Variants in SULF1 observed in about 807,000 individuals in gnomAD.
SULF1 encodes the protein extracellular sulfatase Sulf-1.
SULF1 carries 46 observed loss-of-function variants against 110.5 expected under a neutral mutation model. That is an observed-to-expected ratio of 0.42 (90% confidence interval 0.33 to 0.53). The LOEUF (loss-of-function observed/expected upper bound fraction) is 0.53. Ranked by LOEUF, SULF1 falls within the 20% of genes least tolerant of loss-of-function variation. The probability of loss-of-function intolerance (pLI) is 0.12; values close to 1 mark genes in which losing one functional copy is unlikely to be tolerated. For missense variants in SULF1, 941 were observed against 1,094.2 expected, an observed-to-expected ratio of 0.86 and a Z score of 1.98; for synonymous variants, 371 against 387.1, an observed-to-expected ratio of 0.96 and a Z score of 0.49.
Position 69,563,619 on chromosome 8 carries a change from C to T in SULF1, c.-61+8C>T. ...CAGGATACCTAATTCAAGGTATTAG[C>T]TCTCGTCAGAAAGCTTTTACATTTG... is the stretch of plus-strand genomic sequence containing the variant. On this transcript the variant is annotated splice_region_variant and intron_variant, in intron 4 of 22. Coordinates refer to ENST00000402687, the MANE Select transcript of SULF1 (RefSeq NM_001128205.2). 1 of 202,470 alleles carries T rather than the reference C, an allele frequency of 4.9e-6. No individual in the cohort carries two copies. Among genetic ancestry groups the T allele is most frequent in the South Asian group, 1.0e-4 (1 of 9,660 alleles). 12.5% of individuals were successfully genotyped at this position (202,470 alleles called of 1,614,324 possible). A position where few individuals can be genotyped will look rare whatever the true frequency, so the allele number is the denominator to read the frequency against.
At chr8:69,491,464 T>G (rs1373097486), upstream of SULF1, among the ~76,000 whole-genome samples, 1 of 152,220 alleles carries the variant, frequency 6.6e-6, no homozygotes, top group Non-Finnish European at 1.5e-5. Context: ...GAAGTTGCAC[T>G]TACAGGTCCT....
chr8:69,510,742 A>G (rs2150588800), intron 3 of SULF1, among the ~76,000 whole-genome samples: 1 of 151,182 alleles, frequency 6.6e-6, no homozygotes, highest in East Asian at 2.0e-4. Context: ...TCAGCCTCCC[A>G]GGTAGCTGGG....
intron 15 of SULF1, among the ~76,000 whole-genome samples, 181 bp from the exon 16 acceptor site, chr8:69,627,009 GGACTGCCAGCACGCTGTCAC>G (rs1022364609): frequency 2.4e-4 from 36 of 152,358 alleles, no homozygotes; most frequent in East Asian, 1.5e-3. Flanking sequence ...AGGGCTGTGA[GGACTGCCAGCACGCTGTCAC>G]GACTGCCAGC....
rs756064818 is a variant in SULF1, at chr8:69,559,664, TTTTG to T, written c.-133-3859_-133-3856del. On this transcript the variant is annotated intron_variant, in intron 3 of 22. Coordinates refer to ENST00000402687, the MANE Select transcript of SULF1 (RefSeq NM_001128205.2). The stretch of plus-strand genomic sequence containing the variant: ...TTTTAAGTAAAAGTAGTGTTTCATT[TTTTG>T]TTTGTTTGTTTGTTTAAAGCCACTT... Among the ~76,000 whole-genome samples the T allele has an allele frequency of 2.2e-4, 33 of 152,292 alleles. No homozygotes were observed. In the East Asian group the frequency reaches 5.2e-3, roughly 24 times the overall value.
chr8:69,601,928 A>C, intron 10 of SULF1, 99 bp downstream of exon 10: 1 of 1,299,460 alleles, frequency 7.7e-7, no homozygotes, highest in Non-Finnish European at 1.1e-6. Flanking sequence ...TTTCATCCAA[A>C]ACAAAAAAGG....
intron 3 of SULF1, among the ~76,000 whole-genome samples, chr8:69,535,416 G>A (rs1405416832): frequency 1.3e-5 from 2 of 152,154 alleles, no homozygotes; most frequent in African/African-American, 2.4e-5. Flanking sequence ...GAAGAGAGGT[G>A]CACTCCAGAC....
At position 69,658,753 on chromosome 8, in the gene SULF1, G is replaced by T. The variant is rs536403187; in HGVS notation, c.*218G>T. ...AACTGCTCAAAGTGACGGGTTCTTG[G>T]TTGTCTCTGCTGAGCACGCTGTGTC... On this transcript the variant is annotated 3_prime_UTR_variant, in exon 23 of 23. Coordinates refer to ENST00000402687, the MANE Select transcript of SULF1 (RefSeq NM_001128205.2). The T allele has an allele frequency of 4.2e-5, 28 of 663,008 alleles. No individual in the cohort carries two copies. Among genetic ancestry groups the T allele is most frequent in the Middle Eastern group, 2.4e-4 (1 of 4,144 alleles). 41.1% of individuals were successfully genotyped at this position (663,008 alleles called of 1,614,324 possible). A position where few individuals can be genotyped will look rare whatever the true frequency, so the allele number is the denominator to read the frequency against.
intron 6 of SULF1, among the ~76,000 whole-genome samples, chr8:69,585,942 G>A (rs1806427351): frequency 6.6e-6 from 1 of 152,186 alleles, no homozygotes; most frequent in Non-Finnish European, 1.5e-5. Context: ...TAGTAAGTTA[G>A]AAAACTTATC....
intron 22 of SULF1, among the ~76,000 whole-genome samples, chr8:69,648,224 G>A (rs539430997): frequency 2.0e-5 from 3 of 151,908 alleles, no homozygotes; most frequent in South Asian, 2.1e-4. Flanking sequence ...TAGTCTGTTC[G>A]GGCTCTTCCC....
chr8:69,654,442 C>T (rs1206954899), intron 22 of SULF1, among the ~76,000 whole-genome samples: 6 of 152,212 alleles, frequency 3.9e-5, no homozygotes, highest in African/African-American at 9.6e-5. Flanking sequence ...CTGTTTTTAA[C>T]CACCAGGCAG....
intron 13 of SULF1, among the ~76,000 whole-genome samples, chr8:69,608,394 C>T (rs773785347): frequency 1.3e-5 from 2 of 152,130 alleles, no homozygotes; most frequent in Non-Finnish European, 2.9e-5. Context: ...TTAAAATGGG[C>T]TGAGGCCGGG....
chr8:69,652,175 A>G (rs1812390522), intron 22 of SULF1, among the ~76,000 whole-genome samples: 6 of 150,784 alleles, frequency 4.0e-5, no homozygotes, highest in Admixed American at 4.0e-4. Context: ...CTTTCCCTTT[A>G]TAAGGACTCT....
At chr8:69,529,851 C>T (rs1329642686) in intron 3 of SULF1, among the ~76,000 whole-genome samples, 1 of 152,150 alleles carries the variant, frequency 6.6e-6, no homozygotes, top group African/African-American at 2.4e-5. Context: ...GATCTAGCCT[C>T]AGAAATCACA....
intron 1 of SULF1, among the ~76,000 whole-genome samples, chr8:69,480,917 T>G (rs1371231471): frequency 6.7e-6 from 1 of 149,940 alleles, no homozygotes; most frequent in Non-Finnish European, 1.5e-5. Flanking sequence ...GGGATAGCAT[T>G]AGGAGATATA....
chr8:69,513,257 T>C (rs1005235878), intron 3 of SULF1, among the ~76,000 whole-genome samples: 1 of 152,210 alleles, frequency 6.6e-6, no homozygotes, highest in Non-Finnish European at 1.5e-5. Flanking sequence ...ATTTTTAAGA[T>C]CACCTACATA....
chr8:69,496,473 A>G (rs1168720152), intron 2 of SULF1, among the ~76,000 whole-genome samples: 2 of 152,210 alleles, frequency 1.3e-5, no homozygotes, highest in East Asian at 1.9e-4. Flanking sequence ...CTTTTGCCAT[A>G]AAAAAAGAAG....
At position 69,493,022 on chromosome 8, in the gene SULF1, C is replaced by T; in HGVS notation, c.-494C>T. ...GCAGATGAGGAACATGACTCTCCCCCTTCGGAGGAGGAAGGAAGTCCCGCT... is the reference window on the plus strand; with the variant it reads ...GCAGATGAGGAACATGACTCTCCCCTTTCGGAGGAGGAAGGAAGTCCCGCT... On this transcript the variant is annotated 5_prime_UTR_variant, in exon 1 of 23. Transcript: ENST00000402687. 6.6e-6 allele frequency: 1 copy of T among 152,652 alleles called. No homozygotes were observed. The highest frequency in any genetic ancestry group is 1.9e-4 in the East Asian group (1 of 5,162). The allele number at this position is 152,652 out of a possible 1,614,324, so 9.5% of individuals were successfully genotyped here.
chr8:69,535,551 G>A (rs1439826352), intron 3 of SULF1, among the ~76,000 whole-genome samples: 2 of 152,082 alleles, frequency 1.3e-5, no homozygotes, highest in Non-Finnish European at 2.9e-5. Flanking sequence ...TGCAGCTCCT[G>A]GAAAGGAAAA....
chr8:69,592,033 G>A (rs569495480), intron 8 of SULF1, among the ~76,000 whole-genome samples: 4 of 152,292 alleles, frequency 2.6e-5, no homozygotes, highest in South Asian at 2.1e-4. Context: ...GCAGACGTTC[G>A]CAGGGCTGTG....
Sources: allele counts gnomAD v4.1 joint callset (sites outside exome capture counted in the v4.1 genomes callset), GRCh38; gene constraint gnomAD v4.1.1; transcripts MANE v1.5; gene names NCBI Gene and HGNC (gene_info 2026-07-23, HGNC 2026-07-21).